Variants in SP4 observed in about 807,000 individuals in gnomAD.
The protein encoded by SP4 is Sp4 transcription factor, also known as transcription factor Sp4.
SP4 carries 19 observed loss-of-function variants against 72.8 expected under a neutral mutation model. The observed-to-expected ratio is 0.26, with a 90% confidence interval of 0.18 to 0.38. The LOEUF (loss-of-function observed/expected upper bound fraction) is 0.38. Among genes scored for constraint, SP4 ranks in the 10% least tolerant of loss-of-function variants. The pLI is 1.00. For missense variants in SP4, 1,008 were observed against 926.3 expected, an observed-to-expected ratio of 1.09 and a Z score of -1.14; for synonymous variants, 395 against 333.1, an observed-to-expected ratio of 1.19 and a Z score of -2.02.
chr7:21,442,150 T>G (rs60854628), intron 3 of SP4, among the ~76,000 whole-genome samples: 4 of 149,704 alleles, frequency 2.7e-5, no homozygotes, highest in African/African-American at 9.9e-5. Flanking sequence ...GTGATTCTCC[T>G]CCCTCAGCCT....
intron 3 of SP4, among the ~76,000 whole-genome samples, chr7:21,455,881 C>G (rs1783748697): frequency 6.6e-6 from 1 of 152,150 alleles, no homozygotes; most frequent in South Asian, 2.1e-4. Context: ...TTCCCATTTT[C>G]CGTGTTCTTT....
In SP4 at chr7:21,465,878, T is replaced by G. The variant is rs1025642724; in HGVS notation, c.1679-11201T>G. On this transcript the variant is annotated intron_variant, in intron 3 of 5. Coordinates refer to ENST00000222584, the MANE Select transcript of SP4 (RefSeq NM_003112.5). Reference sequence around the variant, plus strand: ...ACCCTGTCTCTTAAAAAAAAAAGGTTTAATTAAGGCCCTTCCTGATCTATC... The same window carrying G: ...ACCCTGTCTCTTAAAAAAAAAAGGTGTAATTAAGGCCCTTCCTGATCTATC... 2.0e-5 allele frequency among the ~76,000 whole-genome samples: 3 copies of G among 151,972 alleles called. No homozygotes were observed. In the East Asian group the frequency reaches 5.8e-4, roughly 29 times the overall value.
At chr7:21,449,329 T>G (rs539843153) in intron 3 of SP4, among the ~76,000 whole-genome samples, 97 of 152,206 alleles carry the variant, frequency 6.4e-4, no homozygotes, top group Non-Finnish European at 1.1e-3. Context: ...TTGTGCCGCC[T>G]CCTCTTGGGA....
chr7:21,443,546 A>G (rs1441369728), intron 3 of SP4, among the ~76,000 whole-genome samples: 1 of 152,194 alleles, frequency 6.6e-6, no homozygotes, highest in Non-Finnish European at 1.5e-5. Flanking sequence ...GGTTTAGTAC[A>G]GTTCTGTAAT....
intron 3 of SP4, among the ~76,000 whole-genome samples, chr7:21,460,152 C>T (rs990392465): frequency 5.9e-5 from 9 of 152,116 alleles, no homozygotes; most frequent in Non-Finnish European, 7.4e-5. Flanking sequence ...ATAGTGTGTC[C>T]GGAATTGGTG....
At chr7:21,482,307 C>A (rs1784710394) in intron 5 of SP4, among the ~76,000 whole-genome samples, 184 bp downstream of exon 5, 1 of 152,074 alleles carries the variant, frequency 6.6e-6, no homozygotes, top group Non-Finnish European at 1.5e-5. Flanking sequence ...ACATTTTATT[C>A]TACTTTTTGT....
intron 5 of SP4, among the ~76,000 whole-genome samples, chr7:21,484,755 C>T (rs114517977): frequency 1.6e-4 from 24 of 151,882 alleles, no homozygotes; most frequent in African/African-American, 5.8e-4. Flanking sequence ...TGATTTGGAA[C>T]CTCACATTAT....
In SP4 at chr7:21,430,832, C is replaced by G. The variant is rs745928965; in HGVS notation, c.1667C>G (p.Thr556Ser). Reference sequence around the variant, plus strand: ...GTGCAGGGAGTTCCCGTTACAATCACTAGTGTTGCAGGTAAGTTCTGACAT... The same window carrying G: ...GTGCAGGGAGTTCCCGTTACAATCAGTAGTGTTGCAGGTAAGTTCTGACAT... ...VQVQGVPVTI[T>S]SVAGQQQGQD... is the part of the protein sequence containing the mutation. Residue 556 changes from threonine (T) to serine (S), a missense_variant, in exon 3 of 6, where the codon ACT (threonine) becomes AGT (serine). Thr to Ser is a moderately conservative substitution (Grantham distance 58). Coordinates refer to ENST00000222584, the MANE Select transcript of SP4 (RefSeq NM_003112.5). 4 of 1,609,084 alleles carry G rather than the reference C, an allele frequency of 2.5e-6. No homozygotes were observed. The highest frequency in any genetic ancestry group is 3.3e-5 in the Admixed American group (2 of 59,900).
chr7:21,506,433 T>A (rs1387640706), intron 5 of SP4, among the ~76,000 whole-genome samples: 1 of 152,214 alleles, frequency 6.6e-6, no homozygotes, highest in Non-Finnish European at 1.5e-5. Context: ...AAATGCCCTG[T>A]CTTTCCACAC....
chr7:21,505,166 T>A (rs1250871492), intron 5 of SP4, among the ~76,000 whole-genome samples: 1 of 152,234 alleles, frequency 6.6e-6, no homozygotes, highest in East Asian at 1.9e-4. Context: ...AGTAGCCAGT[T>A]AAATCTAAAA....
At chr7:21,506,659 C>T (rs1366602777) in intron 5 of SP4, among the ~76,000 whole-genome samples, 2 of 152,130 alleles carry the variant, frequency 1.3e-5, no homozygotes, top group Non-Finnish European at 2.9e-5. Context: ...TCAGTAAATC[C>T]TCAGTTGGTT....
rs1167944938 is a variant in SP4 at position 21,511,642 on chromosome 7, TA to T, written c.*376del. 5.7e-6 allele frequency: 1 copy of T among 175,586 alleles called. No homozygotes were observed. 10.9% of individuals were successfully genotyped at this position (175,586 alleles called of 1,614,324 possible). A position where few individuals can be genotyped will look rare whatever the true frequency, so the allele number is the denominator to read the frequency against. On this transcript the variant is annotated 3_prime_UTR_variant, in exon 6 of 6. Coordinates refer to ENST00000222584, the MANE Select transcript of SP4 (RefSeq NM_003112.5). ...TATTTTCTTTGAAAGTACTTTGTTATAAATTCAGTCAGTAATAATTTACGTG... is the reference window on the plus strand; with the variant it reads ...TATTTTCTTTGAAAGTACTTTGTTATAATTCAGTCAGTAATAATTTACGTG...
intron 3 of SP4, among the ~76,000 whole-genome samples, chr7:21,441,079 G>C (rs1326814841): frequency 6.6e-6 from 1 of 152,164 alleles, no homozygotes; most frequent in Non-Finnish European, 1.5e-5. Flanking sequence ...CGTAAGTACT[G>C]GGTTTTGAGG....
chr7:21,440,341 G>T (rs1783201526), intron 3 of SP4, among the ~76,000 whole-genome samples: 3 of 152,198 alleles, frequency 2.0e-5, no homozygotes, highest in Admixed American at 2.0e-4. Flanking sequence ...TATGCAGGAG[G>T]TGGTAACTTG....
At chr7:21,483,778 T>C (rs1216641027) in intron 5 of SP4, among the ~76,000 whole-genome samples, 1 of 151,862 alleles carries the variant, frequency 6.6e-6, no homozygotes, top group Non-Finnish European at 1.5e-5. Flanking sequence ...TGGGCAATTT[T>C]CCTTCTTTCT....
chr7:21,461,885 A>T (rs1479228273), intron 3 of SP4, among the ~76,000 whole-genome samples: 1 of 152,216 alleles, frequency 6.6e-6, no homozygotes, highest in African/African-American at 2.4e-5. Flanking sequence ...ATGTTAGAAA[A>T]TGAAGTTCAC....
chr7:21,428,763 A>G lies in SP4; in HGVS notation c.94A>G (p.Asn32Asp). 2 of 1,551,884 alleles carry G rather than the reference A, an allele frequency of 1.3e-6. 1 individual carries two copies. The highest frequency in any genetic ancestry group is 2.4e-5 in the South Asian group (2 of 84,006). ...GGKTSEPENN[N>D]KKPKTSGSQD... ...GAAAACCTCTGAGCCAGAGAATAAC[A>G]ATAAAAAACCCAAAACCTCAGGCTC... is the stretch of plus-strand genomic sequence containing the variant. The change falls in exon 2 of 6, where the codon AAT becomes GAT. Residue 32 changes from asparagine to aspartate, a missense_variant. Asn to Asp is a conservative substitution (Grantham distance 23). This residue lies in a region of SP4 where 893 missense variants were observed against 743.3 expected (regional missense o/e 1.20). Coordinates refer to ENST00000222584, the MANE Select transcript of SP4 (RefSeq NM_003112.5).
intron 5 of SP4, among the ~76,000 whole-genome samples, chr7:21,490,607 T>C (rs576668403): frequency 7.3e-4 from 111 of 152,264 alleles, no homozygotes; most frequent in African/African-American, 2.5e-3. Context: ...GTGAGACAAC[T>C]GGAGGTTGGA....
chr7:21,488,320 A>G (rs1784877733), intron 5 of SP4, among the ~76,000 whole-genome samples: 1 of 152,150 alleles, frequency 6.6e-6, no homozygotes, highest in Non-Finnish European at 1.5e-5. Flanking sequence ...GATAGTAGTT[A>G]TAGTCTATGT....
Sources: gnomAD v4.1 joint callset for allele counts (sites outside exome capture counted in the v4.1 genomes callset) on GRCh38, gnomAD v4.1.1 for gene constraint, gnomAD v4.1.1 regional missense constraint, MANE v1.5 for transcripts, NCBI Gene and HGNC (gene_info 2026-07-23, HGNC 2026-07-21) for gene names.